The following SHROOM3 variants were observed in gnomAD, a reference collection of about 807,000 sequenced individuals.
The protein encoded by SHROOM3 is shroom family member 3, also known as protein Shroom3.
A neutral mutation model predicts 138.6 loss-of-function variants in SHROOM3; 47 were observed. The ratio of observed to expected loss-of-function variants is 0.34; its 90% CI spans 0.27 to 0.43. SHROOM3 has a LOEUF of 0.43. Ranked by LOEUF, SHROOM3 falls within the 20% of genes least tolerant of loss-of-function variation. SHROOM3 has a pLI of 1.00. For missense variants in SHROOM3, 2,491 were observed against 2,596.5 expected (o/e 0.96, Z 0.88); for synonymous variants, 1,062 against 1,063.3 (o/e 1.00, Z 0.02).
intron 1 of SHROOM3, among the ~76,000 whole-genome samples, chr4:76,510,079 A>G (rs1560528842): frequency 6.6e-6 from 1 of 152,202 alleles, no homozygotes; most frequent in Non-Finnish European, 1.5e-5. Context: ...AAGTTTGCCA[A>G]TACCAAAATC....
intron 1 of SHROOM3, among the ~76,000 whole-genome samples, chr4:76,533,107 T>C (rs142329388): frequency 1.3e-5 from 2 of 152,362 alleles, no homozygotes; most frequent in East Asian, 3.9e-4. Context: ...CATTGTTTAT[T>C]TCTGGAATTT....
At chr4:76,597,572 C>A (rs555409733) in intron 2 of SHROOM3, among the ~76,000 whole-genome samples, 7 of 152,054 alleles carry the variant, frequency 4.6e-5, no homozygotes, top group Admixed American at 2.6e-4. Context: ...TTAAGTAGAA[C>A]AAGACAGGGA....
rs111393161 is a variant in SHROOM3 at position 76,503,167 on chromosome 4, C to CCACACA, written c.169-52417_169-52412dup. 2.0e-3 allele frequency among the ~76,000 whole-genome samples: 294 copies of CCACACA among 145,926 alleles called. 3 individuals are homozygous for CCACACA. The highest frequency in any genetic ancestry group is 6.5e-3 in the African/African-American group (258 of 39,426). On this transcript the variant is annotated intron_variant, in intron 1 of 10. Transcript: ENST00000296043. ...TATTTTAGAAATAGTTTGTCAACTTCCACACACACACACACACACACACAC... is the reference window on the plus strand; with the variant it reads ...TATTTTAGAAATAGTTTGTCAACTTCCACACACACACACACACACACACACACACAC...
At chr4:76,515,298 A>C (rs1732422256) in intron 1 of SHROOM3, among the ~76,000 whole-genome samples, 2 of 151,584 alleles carry the variant, frequency 1.3e-5, no homozygotes, top group Admixed American at 1.3e-4. Flanking sequence ...AGGCAGAAGG[A>C]TCAGTTGAGT....
At chr4:76,668,562 A>T (rs1290452634) in intron 2 of SHROOM3, among the ~76,000 whole-genome samples, 2 of 152,094 alleles carry the variant, frequency 1.3e-5, no homozygotes, top group Non-Finnish European at 2.9e-5. Flanking sequence ...GACAACAGCA[A>T]AACTCCGCCT....
intron 1 of SHROOM3, among the ~76,000 whole-genome samples, chr4:76,551,007 A>G (rs1202570635): frequency 3.3e-5 from 5 of 150,368 alleles, no homozygotes; most frequent in Non-Finnish European, 7.4e-5. Context: ...CTTGGGGGCT[A>G]GGATGAATTT....
chr4:76,594,716 G>A (rs1280577613), intron 2 of SHROOM3, among the ~76,000 whole-genome samples: 1 of 152,178 alleles, frequency 6.6e-6, no homozygotes, highest in Non-Finnish European at 1.5e-5. Context: ...GAGGGAACAG[G>A]GAACCATTGG....
intron 1 of SHROOM3, among the ~76,000 whole-genome samples, chr4:76,437,570 T>C (rs1338045377): frequency 6.6e-6 from 1 of 152,174 alleles, no homozygotes; most frequent in East Asian, 1.9e-4. Context: ...TCATTAGACC[T>C]TTGCTTTCAT....
intron 3 of SHROOM3, among the ~76,000 whole-genome samples, chr4:76,730,372 T>C (rs1720835613): frequency 6.6e-6 from 1 of 152,060 alleles, no homozygotes; most frequent in Non-Finnish European, 1.5e-5. Flanking sequence ...CCCCAGAAAA[T>C]GTTTTGCCAT....
At chr4:76,760,853 T>A (rs527695776) in intron 9 of SHROOM3, among the ~76,000 whole-genome samples, 171 of 152,326 alleles carry the variant, frequency 1.1e-3, no homozygotes, top group African/African-American at 3.8e-3. Context: ...TCTATATTTA[T>A]CCCAAAGAGA....
intron 1 of SHROOM3, among the ~76,000 whole-genome samples, chr4:76,483,755 A>C (rs1169382832): frequency 6.6e-6 from 1 of 152,222 alleles, no homozygotes; most frequent in Non-Finnish European, 1.5e-5. Context: ...AATACCCATC[A>C]ATGACAGACT....
intron 2 of SHROOM3, among the ~76,000 whole-genome samples, chr4:76,659,597 T>C (rs748811386): frequency 5.9e-5 from 9 of 152,202 alleles, no homozygotes; most frequent in Non-Finnish European, 1.3e-4. Flanking sequence ...TTTATTTATT[T>C]ATGAGCTAGA....
intron 2 of SHROOM3, among the ~76,000 whole-genome samples, chr4:76,604,474 T>TTAGTTAA (rs2110056924): frequency 6.6e-6 from 1 of 152,336 alleles, no homozygotes; most frequent in East Asian, 1.9e-4. Context: ...GACACATGAT[T>TTAGTTAA]GCTTTTGAGC....
At chr4:76,688,806 T>A in intron 2 of SHROOM3, 1 of 985,234 alleles carries the variant, frequency 1.0e-6, no homozygotes, top group Non-Finnish European at 1.2e-6. Context: ...AAGAATCACG[T>A]CTCTTGTCTA....
rs146902676 is a variant in SHROOM3 at position 76,547,650 on chromosome 4, C to G, written c.169-7959C>G. Among the ~76,000 whole-genome samples, 242 of 152,196 alleles carry G rather than the reference C, an allele frequency of 1.6e-3. 1 individual carries two copies. Among genetic ancestry groups the G allele is most frequent in the African/African-American group, 5.5e-3 (229 of 41,504 alleles). ...CGTAAGTAAAAAATAGAGTTCATGG[C>G]CAGGCGCGGCGGCTCATGCCTGTAA... On this transcript the variant is annotated intron_variant, in intron 1 of 10. Transcript: ENST00000296043.
chr4:76,638,919 T>C (rs1231055629), intron 2 of SHROOM3: 3 of 152,198 alleles, frequency 2.0e-5, no homozygotes, highest in Non-Finnish European at 4.4e-5. Context: ...CTAAAACTTT[T>C]GCTAACCCTA....
intron 6 of SHROOM3, among the ~76,000 whole-genome samples, chr4:76,751,939 T>A (rs1182814324): frequency 6.6e-6 from 1 of 152,230 alleles, no homozygotes; most frequent in Non-Finnish European, 1.5e-5. Context: ...CCATATGATC[T>A]GGCAATGCCA....
intron 2 of SHROOM3, among the ~76,000 whole-genome samples, chr4:76,634,127 T>C (rs1259406518): frequency 6.6e-6 from 1 of 152,166 alleles, no homozygotes; most frequent in African/African-American, 2.4e-5. Flanking sequence ...AAAATGAAAG[T>C]GTCACGTATG....
At chr4:76,774,673 T>G (rs1560625703) in intron 10 of SHROOM3, among the ~76,000 whole-genome samples, 1 of 151,146 alleles carries the variant, frequency 6.6e-6, no homozygotes, top group Non-Finnish European at 1.5e-5. Flanking sequence ...TTGAAAGGCA[T>G]CCTCATTCAA....
Sources: gnomAD v4.1 joint callset for allele counts (sites outside exome capture counted in the v4.1 genomes callset) on GRCh38, gnomAD v4.1.1 for gene constraint, MANE v1.5 for transcripts, NCBI Gene and HGNC (gene_info 2026-07-23, HGNC 2026-07-21) for gene names.